Variants in CHST9 observed in about 807,000 individuals in gnomAD.
The protein encoded by CHST9 is carbohydrate sulfotransferase 9.
Under a neutral mutation model 44.4 loss-of-function variants are expected in CHST9, and 41 were observed. That is an observed-to-expected ratio of 0.92 (90% CI 0.72 to 1.20). The LOEUF (loss-of-function observed/expected upper bound fraction) is 1.20, where lower values mean the gene tolerates loss of function less well. Ranked by LOEUF, CHST9 falls within the 50% of genes most tolerant of loss-of-function variation. CHST9 has a pLI of 0.00. For synonymous variants in CHST9, 171 were observed against 178.4 expected (o/e 0.96, Z 0.33); for missense variants, 504 against 516.5 (o/e 0.98, Z 0.23).
intron 4 of CHST9, among the ~76,000 whole-genome samples, chr18:26,949,847 T>C (rs2056219656): frequency 6.6e-6 from 1 of 152,022 alleles, no homozygotes; most frequent in Admixed American, 6.6e-5. Flanking sequence ...GAAGGCGAGG[T>C]GGCAGTAGCA....
intron 4 of CHST9, among the ~76,000 whole-genome samples, chr18:26,963,065 A>C (rs1316704043): frequency 1.3e-5 from 2 of 152,326 alleles, no homozygotes; most frequent in African/African-American, 2.4e-5. Context: ...CCATTTAGTC[A>C]TTCGTTCAGA....
At chr18:27,015,933 C>T (rs866333993) in intron 4 of CHST9, among the ~76,000 whole-genome samples, 5 of 152,188 alleles carry the variant, frequency 3.3e-5, no homozygotes, top group African/African-American at 1.2e-4. Flanking sequence ...TGGCCTTCTA[C>T]AAACTTCTTC....
chr18:27,026,014 TTGTA>T (rs1332160069), intron 3 of CHST9, among the ~76,000 whole-genome samples: 1 of 152,342 alleles, frequency 6.6e-6, no homozygotes, highest in East Asian at 1.9e-4. Flanking sequence ...TGCTTATTGA[TTGTA>T]TGAGAGATTG....
At chr18:27,098,390 G>A (rs970464223) in intron 2 of CHST9, among the ~76,000 whole-genome samples, 8 of 152,062 alleles carry the variant, frequency 5.3e-5, no homozygotes, top group East Asian at 1.9e-4. Flanking sequence ...GGAAGATGGC[G>A]TGGTGATTCC....
intron 2 of CHST9, among the ~76,000 whole-genome samples, chr18:27,092,125 GTTAT>G (rs1377437931): frequency 6.6e-6 from 1 of 152,186 alleles, no homozygotes; most frequent in Non-Finnish European, 1.5e-5. Context: ...TTCAGAGCCT[GTTAT>G]TTGTCTATTC....
At chr18:27,152,826 G>C (rs2058669433) in intron 1 of CHST9, among the ~76,000 whole-genome samples, 1 of 151,950 alleles carries the variant, frequency 6.6e-6, no homozygotes, top group African/African-American at 2.4e-5. Flanking sequence ...TAATTTGGGT[G>C]GTCATATCTA....
intron 1 of CHST9, among the ~76,000 whole-genome samples, chr18:27,158,822 T>C (rs1261314197): frequency 2.0e-4 from 30 of 151,906 alleles, no homozygotes; most frequent in African/African-American, 6.3e-4. Flanking sequence ...TGGTATCTCA[T>C]TGTGGTTTTG....
chr18:27,138,940 A>C lies in CHST9; in HGVS notation c.121+3749T>G, dbSNP rs116592546. 5.7e-3 allele frequency among the ~76,000 whole-genome samples: 872 copies of C among 152,316 alleles called. 12 individuals carry two copies. Among genetic ancestry groups the C allele is most frequent in the African/African-American group, 0.02 (826 of 41,572 alleles). On this transcript the variant is annotated intron_variant, in intron 2 of 5. Coordinates refer to ENST00000618847, the MANE Select transcript of CHST9 (RefSeq NM_031422.6). ...ACATATCAACATACTGCAAATTAGC[A>C]CTAGGAAATGGATAAATTAATGGAT...
intron 4 of CHST9, among the ~76,000 whole-genome samples, chr18:26,972,222 T>C (rs2056555005): frequency 1.3e-5 from 2 of 151,752 alleles, no homozygotes; most frequent in South Asian, 4.2e-4. Flanking sequence ...CCAGGCGTGA[T>C]AGCACGGGCC....
At chr18:27,069,874 C>G (rs1231422496) in intron 2 of CHST9, among the ~76,000 whole-genome samples, 2 of 152,066 alleles carry the variant, frequency 1.3e-5, no homozygotes, top group African/African-American at 4.8e-5. Flanking sequence ...CAAGCAGCAG[C>G]AGTAAATTAG....
intron 4 of CHST9, among the ~76,000 whole-genome samples, chr18:26,959,302 C>A (rs1044631092): frequency 6.6e-6 from 1 of 152,140 alleles, no homozygotes; most frequent in Admixed American, 6.5e-5. Context: ...ACAATCGACA[C>A]TGAAGACCAC....
At chr18:27,082,500 G>T (rs2057970400) in intron 2 of CHST9, among the ~76,000 whole-genome samples, 1 of 152,130 alleles carries the variant, frequency 6.6e-6, no homozygotes. Context: ...CTTTTTAGGG[G>T]CTTCTCCCAT....
intron 1 of CHST9, among the ~76,000 whole-genome samples, chr18:27,174,742 T>G (rs2058855847): frequency 6.6e-6 from 1 of 152,074 alleles, no homozygotes; most frequent in South Asian, 2.1e-4. Flanking sequence ...AATCTGTGCA[T>G]TCACACACTC....
intron 1 of CHST9, among the ~76,000 whole-genome samples, chr18:27,167,991 A>G (rs2058804025): frequency 6.6e-6 from 1 of 152,176 alleles, no homozygotes; most frequent in Admixed American, 6.5e-5. Flanking sequence ...ATAGGCAAAA[A>G]GCCTATCAAG....
At chr18:27,010,528 C>T (rs888375490) in intron 4 of CHST9, among the ~76,000 whole-genome samples, 1 of 152,146 alleles carries the variant, frequency 6.6e-6, no homozygotes, top group African/African-American at 2.4e-5. Flanking sequence ...GCCCTACAGC[C>T]TCGAACTTGT....
intron 5 of CHST9, among the ~76,000 whole-genome samples, chr18:26,941,919 A>G (rs1479177422): frequency 2.0e-5 from 3 of 152,120 alleles, no homozygotes; most frequent in Non-Finnish European, 4.4e-5. Flanking sequence ...TCCACTCCTG[A>G]TTTCTCACGT....
At chr18:27,137,298 TTATA>T (rs1270740064) in intron 2 of CHST9, among the ~76,000 whole-genome samples, 1 of 35,282 alleles carries the variant, frequency 2.8e-5, no homozygotes, top group Non-Finnish European at 5.3e-5. Context: ...ATTGATTTAT[TTATA>T]TATGTGTGTG....
At chr18:27,020,699 G>A (rs1568136009) in intron 4 of CHST9, among the ~76,000 whole-genome samples, 1 of 152,158 alleles carries the variant, frequency 6.6e-6, no homozygotes, top group Non-Finnish European at 1.5e-5. Flanking sequence ...AATTAAAATA[G>A]GAGTCAATAA....
In CHST9 at chr18:26,906,937, G is replaced by T. The variant is rs2055379267; in HGVS notation, c.*9322C>A. 1 of 152,256 alleles carries T rather than the reference G, an allele frequency of 6.6e-6. No homozygotes were observed. Among genetic ancestry groups the T allele is most frequent in the African/African-American group, 2.4e-5 (1 of 41,440 alleles). The allele number at this position is 152,256 out of a possible 1,614,324, so 9.4% of individuals were successfully genotyped here. A position where few individuals can be genotyped will look rare whatever the true frequency, so the allele number is the denominator to read the frequency against. ...TCCATTCTAGGCTGTTGGAGATTAA[G>T]CCAGGAGGCAGAAAATGGCCAGAAA... On this transcript the variant is annotated 3_prime_UTR_variant, in exon 6 of 6. Transcript: ENST00000618847.
Sources: allele counts gnomAD v4.1 joint callset (sites outside exome capture counted in the v4.1 genomes callset), GRCh38; gene constraint gnomAD v4.1.1; transcripts MANE v1.5; gene names NCBI Gene and HGNC (gene_info 2026-07-23, HGNC 2026-07-21).